LCORL: variants seen among roughly 807,000 people sequenced by gnomAD.
LCORL encodes the protein ligand-dependent nuclear receptor corepressor-like protein.
LCORL carries 41 observed loss-of-function variants against 141.8 expected under a neutral mutation model. The ratio of observed to expected loss-of-function variants is 0.29; its 90% CI spans 0.23 to 0.38. The LOEUF (loss-of-function observed/expected upper bound fraction) is 0.38, where lower values mean the gene tolerates loss of function less well. Among genes scored for constraint, LCORL ranks in the 10% least tolerant of loss-of-function variants. The probability of loss-of-function intolerance (pLI) is 1.00; values close to 1 mark genes in which losing one functional copy is unlikely to be tolerated. For missense variants in LCORL, 1,759 were observed against 2,035.0 expected (o/e 0.86, Z 2.61); for synonymous variants, 618 against 694.1 (o/e 0.89, Z 1.72).
intron 4 of LCORL, among the ~76,000 whole-genome samples, chr4:17,958,347 A>G (rs1299241303): frequency 1.3e-5 from 2 of 151,892 alleles, no homozygotes; most frequent in African/African-American, 4.8e-5. Flanking sequence ...TATAGATAGC[A>G]GTATGATTCG....
intron 5 of LCORL, among the ~76,000 whole-genome samples, chr4:17,908,356 C>A (rs1026339590): frequency 2.6e-5 from 4 of 152,120 alleles, no homozygotes; most frequent in Non-Finnish European, 5.9e-5. Context: ...TTCTTAAGAG[C>A]CCCAAACTAA....
At chr4:17,912,789 T>G in intron 4 of LCORL, 1 of 418,918 alleles carries the variant, frequency 2.4e-6, no homozygotes, top group Non-Finnish European at 4.7e-6. Flanking sequence ...GAGTACGAGG[T>G]CCTGCCAAAC....
Position 17,875,120 on chromosome 4 carries a change from A to AT in LCORL, c.3869dup (p.Asn1290LysfsTer4). ...GTTGGTCATACTTTTCTTCAGGCAG[A>AT]TTTTTTCCTGACGTATTATCCTGTT... On this transcript the variant is annotated frameshift_variant, in exon 7 of 8. Coordinates refer to ENST00000635767, the Ensembl canonical transcript of LCORL. LOFTEE classifies it high-confidence loss of function. 1.6e-6 allele frequency: 2 copies of AT among 1,233,254 alleles called. No homozygotes were observed. Among genetic ancestry groups the AT allele is most frequent in the Non-Finnish European group, 2.0e-6 (2 of 987,694 alleles). The allele number at this position is 1,233,254 out of a possible 1,614,324, so 76.4% of individuals were successfully genotyped here.
At chr4:17,902,674 T>C (rs1242100457) in intron 5 of LCORL, among the ~76,000 whole-genome samples, 1 of 152,074 alleles carries the variant, frequency 6.6e-6, no homozygotes, top group African/African-American at 2.4e-5. Flanking sequence ...ACAGTGGTGG[T>C]GGCAGCAGCA....
At chr4:17,903,730 C>T (rs964243409) in intron 5 of LCORL, among the ~76,000 whole-genome samples, 3 of 151,896 alleles carry the variant, frequency 2.0e-5, no homozygotes, top group Non-Finnish European at 4.4e-5. Flanking sequence ...GCATGTTTTC[C>T]TCAGGGTAAC....
At chr4:17,927,490 C>T (rs1030569468) in intron 4 of LCORL, among the ~76,000 whole-genome samples, 1 of 152,192 alleles carries the variant, frequency 6.6e-6, no homozygotes, top group East Asian at 1.9e-4. Flanking sequence ...ATAGGAGTAG[C>T]TTTTGGCCTA....
chr4:17,884,452 G>A lies in LCORL; in HGVS notation c.776+1616C>T, dbSNP rs139639426. 3,309 of 1,549,986 alleles carry A rather than the reference G, an allele frequency of 2.1e-3. 8 individuals are homozygous for A. The highest frequency in any genetic ancestry group is 2.3e-3 in the Non-Finnish European group (2,599 of 1,146,198). The stretch of plus-strand genomic sequence containing the variant: ...GTAGATTGAGTTTACTTTTTTCTGT[G>A]CGCTCTGCTTGAGCTCTTGCCCACA... On this transcript the variant is annotated intron_variant, in intron 6 of 7. Coordinates refer to ENST00000635767, the Ensembl canonical transcript of LCORL. This position sits in a 1 kb window ranked among gnomAD's most constrained non-coding sequence, Gnocchi z 4.4.
exon 8 of LCORL, chr4:17,842,356 G>A: frequency 6.2e-7 from 1 of 1,612,210 alleles, no homozygotes; most frequent in Non-Finnish European, 8.5e-7. Context: ...GGAGGTGTCA[G>A]ACTGCTGAAG....
intron 5 of LCORL, among the ~76,000 whole-genome samples, chr4:17,886,449 G>A (rs1728277970): frequency 6.6e-6 from 1 of 151,990 alleles, no homozygotes; most frequent in Admixed American, 6.6e-5. Context: ...CCACCATTTT[G>A]TAGTGAATAG....
rs369364297 is a variant in LCORL, at chr4:17,915,089, C to T, written c.431-5744G>A. On this transcript the variant is annotated intron_variant, in intron 4 of 7. Transcript: ENST00000635767. ...CCCTCTTCTCCCCTCCTTTTATTTT[C>T]TCTTTCTCCCCTTCTGTTTCCCTCC... Among the ~76,000 whole-genome samples the T allele has an allele frequency of 3.3e-5, 5 of 152,168 alleles. No individual in the cohort carries two copies. The South Asian group carries it at 1.0e-3, about 32-fold the overall frequency.
chr4:17,885,099 T>TA (rs1360101065), intron 6 of LCORL, among the ~76,000 whole-genome samples: 1 of 151,944 alleles, frequency 6.6e-6, no homozygotes, highest in African/African-American at 2.4e-5. Flanking sequence ...AGCTCCATTA[T>TA]AAAAAGTACC....
At chr4:17,928,797 T>C (rs1418744628) in intron 4 of LCORL, among the ~76,000 whole-genome samples, 1 of 152,190 alleles carries the variant, frequency 6.6e-6, no homozygotes, top group Non-Finnish European at 1.5e-5. Flanking sequence ...AGCAAAACTC[T>C]CTTTTTATAG....
chr4:17,874,736 T>C (rs1726732280), exon 7 of LCORL: 2 of 1,233,868 alleles, frequency 1.6e-6, no homozygotes, highest in African/African-American at 3.1e-5. Context: ...AAGGGTTTGA[T>C]GAAATTATAG....
At chr4:17,950,205 T>G (rs1164256075) in intron 4 of LCORL, among the ~76,000 whole-genome samples, 3 of 152,152 alleles carry the variant, frequency 2.0e-5, no homozygotes, top group Non-Finnish European at 4.4e-5. Flanking sequence ...GTTCAAATCA[T>G]AAAACTTGCA....
intron 5 of LCORL, among the ~76,000 whole-genome samples, chr4:17,907,384 A>G (rs1731810013): frequency 6.6e-6 from 1 of 152,194 alleles, no homozygotes; most frequent in Admixed American, 6.5e-5. Context: ...CAATTGAAGA[A>G]ATTAAAGGTC....
intron 7 of LCORL, among the ~76,000 whole-genome samples, chr4:17,852,709 A>C (rs1723903714): frequency 6.6e-6 from 1 of 152,192 alleles, no homozygotes. Flanking sequence ...GATAGAGTCC[A>C]TCTCCACCAT....
intron 4 of LCORL, among the ~76,000 whole-genome samples, chr4:17,948,114 A>G (rs1240773088): frequency 6.6e-6 from 1 of 151,980 alleles, no homozygotes; most frequent in African/African-American, 2.4e-5. Context: ...AGTGATAAAT[A>G]TGTGGAGGGT....
intron 5 of LCORL, among the ~76,000 whole-genome samples, chr4:17,906,025 A>G (rs113286485): frequency 6.6e-6 from 1 of 152,324 alleles, no homozygotes; most frequent in African/African-American, 2.4e-5. Flanking sequence ...TTATCATTCA[A>G]TAAGATACTG....
chr4:17,865,210 C>A (rs1725500548), intron 7 of LCORL, among the ~76,000 whole-genome samples: 1 of 152,174 alleles, frequency 6.6e-6, no homozygotes, highest in Non-Finnish European at 1.5e-5. Flanking sequence ...TTTTCAAGAA[C>A]ACACAGAACA....
Sources: allele counts gnomAD v4.1 joint callset (sites outside exome capture counted in the v4.1 genomes callset), GRCh38; gene constraint gnomAD v4.1.1; non-coding constraint Gnocchi (gnomAD v3.1); transcripts MANE v1.5; gene names NCBI Gene and HGNC (gene_info 2026-07-23, HGNC 2026-07-21).